SYT14: variants seen among roughly 807,000 people sequenced by gnomAD.
SYT14 encodes the protein synaptotagmin 14.
In SYT14, 32 loss-of-function variants were observed where a neutral mutation model predicts 74.2. The ratio of observed to expected loss-of-function variants is 0.43; its 90% CI spans 0.33 to 0.58. The LOEUF (loss-of-function observed/expected upper bound fraction) is 0.58, where lower values mean the gene tolerates loss of function less well. SYT14 is among the 20% of genes least tolerant of loss of function. The probability of loss-of-function intolerance (pLI) is 0.05; values close to 1 mark genes in which losing one functional copy is unlikely to be tolerated. For missense variants in SYT14, 791 were observed against 981.8 expected, an observed-to-expected ratio of 0.81 and a Z score of 2.60; for synonymous variants, 298 against 337.7, an observed-to-expected ratio of 0.88 and a Z score of 1.29.
chr1:209,974,679 T>A (rs974071141), intron 2 of SYT14, among the ~76,000 whole-genome samples: 1 of 152,074 alleles, frequency 6.6e-6, no homozygotes, highest in African/African-American at 2.4e-5. Flanking sequence ...GGCATAGGAT[T>A]GACTTGGCAA....
chr1:210,125,434 G>C (rs1179312447), intron 7 of SYT14, among the ~76,000 whole-genome samples: 1 of 152,130 alleles, frequency 6.6e-6, no homozygotes, highest in East Asian at 1.9e-4. Flanking sequence ...ATAGTAGCTA[G>C]TTTACCGCTT....
intron 5 of SYT14, among the ~76,000 whole-genome samples, chr1:210,072,955 A>C (rs1289707658): frequency 6.6e-6 from 1 of 151,754 alleles, no homozygotes; most frequent in Non-Finnish European, 1.5e-5. Flanking sequence ...ATAAAAGATT[A>C]ATAACTCTTT....
intron 7 of SYT14, among the ~76,000 whole-genome samples, chr1:210,121,598 T>A (rs539663242): frequency 6.6e-6 from 1 of 152,014 alleles, no homozygotes; most frequent in Non-Finnish European, 1.5e-5. Flanking sequence ...ATTGAGACCA[T>A]CCTGGCTAAC....
chr1:209,949,665 G>A (rs1310275329), intron 1 of SYT14, among the ~76,000 whole-genome samples: 1 of 151,838 alleles, frequency 6.6e-6, no homozygotes, highest in Non-Finnish European at 1.5e-5. Context: ...TTAAAAGCAG[G>A]GTTTTCTTGA....
chr1:209,964,943 GTTCCCA>G lies in SYT14; in HGVS notation c.-486+12188_-486+12193del, dbSNP rs1375743519. Among the ~76,000 whole-genome samples, 12 of 152,352 alleles carry G rather than the reference GTTCCCA, an allele frequency of 7.9e-5. No homozygotes were observed. The East Asian group carries it at 2.3e-3, about 29-fold the overall frequency. On this transcript the variant is annotated intron_variant, in intron 2 of 9. Coordinates refer to ENST00000637265, the Ensembl canonical transcript of SYT14. Reference sequence around the variant, plus strand: ...TGACTGGGACCACTCTGAGGGTCAAGTTCCCAGATGCCAGCCAAGGGCCAACCTTAT... The same window carrying G: ...TGACTGGGACCACTCTGAGGGTCAAGGATGCCAGCCAAGGGCCAACCTTAT...
chr1:209,946,481 C>A (rs1359156032), intron 1 of SYT14, among the ~76,000 whole-genome samples: 1 of 152,220 alleles, frequency 6.6e-6, no homozygotes, highest in Non-Finnish European at 1.5e-5. Flanking sequence ...GCAGATCAAA[C>A]CAGCCACCAC....
At chr1:210,033,307 T>A (rs2080582846) in intron 5 of SYT14, among the ~76,000 whole-genome samples, 2 of 151,826 alleles carry the variant, frequency 1.3e-5, no homozygotes, top group African/African-American at 2.4e-5. Context: ...GTTAAATAAT[T>A]ACAGAGCCAT....
intron 2 of SYT14, among the ~76,000 whole-genome samples, chr1:209,962,768 A>C (rs1302343777): frequency 1.3e-5 from 2 of 152,264 alleles, no homozygotes; most frequent in Middle Eastern, 3.4e-3. Context: ...ATAGGAGTAC[A>C]AGAATCTAGA....
intron 5 of SYT14, among the ~76,000 whole-genome samples, chr1:210,056,985 CA>C (rs2102399280): frequency 6.6e-6 from 1 of 152,086 alleles, no homozygotes; most frequent in East Asian, 1.9e-4. Context: ...GCTGGGATTA[CA>C]GGCGCACACC....
intron 7 of SYT14, among the ~76,000 whole-genome samples, chr1:210,111,127 T>A (rs2082254268): frequency 6.6e-6 from 1 of 152,178 alleles, no homozygotes; most frequent in Non-Finnish European, 1.5e-5. Flanking sequence ...CAAACAGGCT[T>A]TGTGTGAGCA....
intron 2 of SYT14, among the ~76,000 whole-genome samples, chr1:209,967,333 G>A (rs1447424625): frequency 6.6e-6 from 1 of 152,104 alleles, no homozygotes; most frequent in Non-Finnish European, 1.5e-5. Context: ...AATGAATTGG[G>A]AAGTATTCCC....
At chr1:210,113,413 T>C (rs2082301860) in intron 7 of SYT14, among the ~76,000 whole-genome samples, 2 of 151,300 alleles carry the variant, frequency 1.3e-5, no homozygotes, top group African/African-American at 4.9e-5. Flanking sequence ...GCACAGATCC[T>C]GAACTAACTT....
chr1:210,094,476 A>T, exon 6 of SYT14: 1 of 1,614,006 alleles, frequency 6.2e-7, no homozygotes, highest in Non-Finnish European at 8.5e-7. Flanking sequence ...ACAGTCCAAG[A>T]TGCTCATATA....
intron 1 of SYT14, among the ~76,000 whole-genome samples, chr1:209,942,125 A>T (rs2078740382): frequency 6.6e-6 from 1 of 152,168 alleles, no homozygotes; most frequent in African/African-American, 2.4e-5. Flanking sequence ...ATTTTGTATG[A>T]TCTCAAGCCA....
intron 7 of SYT14, among the ~76,000 whole-genome samples, chr1:210,134,023 C>T (rs184271207): frequency 8.6e-5 from 13 of 151,912 alleles, no homozygotes; most frequent in Non-Finnish European, 1.5e-4. Context: ...AGGGTTGGCA[C>T]ATAGTTACAA....
At chr1:210,050,440 T>C (rs1437704836) in intron 5 of SYT14, among the ~76,000 whole-genome samples, 1 of 152,232 alleles carries the variant, frequency 6.6e-6, no homozygotes, top group Non-Finnish European at 1.5e-5. Flanking sequence ...CATTTTTCTG[T>C]CGTCTTCTGA....
chr1:210,100,519 C>T, intron 7 of SYT14, 58 bp downstream of exon 6: 2 of 1,539,012 alleles, frequency 1.3e-6, no homozygotes, highest in Admixed American at 3.4e-5. Context: ...ATAGTATGCA[C>T]AATTTTAAAA....
chr1:210,075,546 G>A (rs11119402), intron 5 of SYT14, among the ~76,000 whole-genome samples: 24,761 of 151,488 alleles, frequency 0.16, 6,419 homozygotes, highest in African/African-American at 0.55. Context: ...TGTTGGCCAG[G>A]ATGGTCTCCA....
intron 5 of SYT14, among the ~76,000 whole-genome samples, chr1:210,059,795 G>A (rs1474293691): frequency 2.6e-5 from 4 of 151,962 alleles, no homozygotes; most frequent in Non-Finnish European, 4.4e-5. Context: ...CAGAAATTTG[G>A]ATTGTTACAT....
Sources: allele counts gnomAD v4.1 joint callset (sites outside exome capture counted in the v4.1 genomes callset), GRCh38; gene constraint gnomAD v4.1.1; transcripts MANE v1.5; gene names NCBI Gene and HGNC (gene_info 2026-07-23, HGNC 2026-07-21).